The following GLDC variants were observed in gnomAD, a reference collection of about 807,000 sequenced individuals.
The protein encoded by GLDC is glycine decarboxylase.
A neutral mutation model predicts 121.3 loss-of-function variants in GLDC; 104 were observed. That is an observed-to-expected ratio of 0.86 (90% CI 0.73 to 1.01). The LOEUF is 1.01. GLDC is among the 50% of genes least tolerant of loss of function. GLDC has a pLI of 0.00. For synonymous variants in GLDC, 546 were observed against 480.6 expected, an observed-to-expected ratio of 1.14 and a Z score of -1.78; for missense variants, 1,429 against 1,306.6, an observed-to-expected ratio of 1.09 and a Z score of -1.44.
At chr9:6,590,862 G>C (rs951862308) in intron 11 of GLDC, among the ~76,000 whole-genome samples, 1 of 152,186 alleles carries the variant, frequency 6.6e-6, no homozygotes, top group Non-Finnish European at 1.5e-5. Context: ...AGAGAACACT[G>C]TGATGCTTCT....
intron 2 of GLDC, among the ~76,000 whole-genome samples, chr9:6,620,551 G>C (rs1819071471): frequency 6.7e-6 from 1 of 149,992 alleles, no homozygotes; most frequent in East Asian, 1.9e-4. Flanking sequence ...TCACTGTTTT[G>C]ACTGTTCCTT....
chr9:6,568,410 TG>T (rs999361850), intron 15 of GLDC, among the ~76,000 whole-genome samples: 1 of 152,200 alleles, frequency 6.6e-6, no homozygotes, highest in Non-Finnish European at 1.5e-5. Context: ...CTATTATATA[TG>T]GAGGACAGGC....
In GLDC at chr9:6,627,366, A is replaced by G. The variant is rs954416421; in HGVS notation, c.335-7047T>C. On this transcript the variant is annotated intron_variant, in intron 2 of 24. Coordinates refer to ENST00000321612, the MANE Select transcript of GLDC (RefSeq NM_000170.3). ...AATATTAATTATCTGTAAGACCCAG[A>G]AGCATAAAAACTGTCAAACATGAGA... 5.9e-5 allele frequency among the ~76,000 whole-genome samples: 9 copies of G among 152,194 alleles called. No homozygotes were observed. In the East Asian group the frequency reaches 1.7e-3, roughly 29 times the overall value.
intron 15 of GLDC, among the ~76,000 whole-genome samples, chr9:6,578,111 C>G (rs970022929): frequency 1.3e-5 from 2 of 151,778 alleles, no homozygotes; most frequent in Non-Finnish European, 2.9e-5. Flanking sequence ...GACTAAGTCT[C>G]ACTATCTGGT....
intron 21 of GLDC, chr9:6,540,361 T>C: frequency 1.8e-6 from 1 of 542,504 alleles, no homozygotes; most frequent in Non-Finnish European, 3.3e-6. Flanking sequence ...TGCCGATGTG[T>C]CTTATCTTCA....
intron 2 of GLDC, among the ~76,000 whole-genome samples, chr9:6,638,326 G>A (rs1261449656): frequency 2.6e-5 from 4 of 151,456 alleles, no homozygotes; most frequent in Non-Finnish European, 4.4e-5. Flanking sequence ...CTTCTGCCTC[G>A]GCCTCAGCGT....
rs142919574 is a variant in GLDC, at chr9:6,553,115, G to A, written c.2457+253C>T. ...CTGTGTCTGGAAAAATATATCTGAT[G>A]TTTCAGTTTCTCTGATGTTAAACCC... On this transcript the variant is annotated intron_variant, in intron 20 of 24. Coordinates refer to ENST00000321612, the MANE Select transcript of GLDC (RefSeq NM_000170.3). Among the ~76,000 whole-genome samples, 409 of 152,190 alleles carry A rather than the reference G, an allele frequency of 2.7e-3. 1 individual carries two copies. Among genetic ancestry groups the A allele is most frequent in the African/African-American group, 9.1e-3 (378 of 41,514 alleles).
intron 8 of GLDC, among the ~76,000 whole-genome samples, chr9:6,599,051 G>A (rs949552662): frequency 6.6e-6 from 1 of 152,058 alleles, no homozygotes; most frequent in East Asian, 1.9e-4. Flanking sequence ...AGGCATGGTC[G>A]TGGGTGCCTG....
chr9:6,588,428 C>T lies in GLDC; in HGVS notation c.1680G>A (p.Met560Ile). 1.2e-6 allele frequency: 2 copies of T among 1,612,448 alleles called. No individual in the cohort carries two copies. The highest frequency in any genetic ancestry group is 1.1e-5 in the South Asian group (1 of 91,044). The change falls in exon 14 of 25, where the codon ATG (methionine) becomes ATA (isoleucine). Residue 560 changes from methionine (M) to isoleucine (I), a missense_variant. Transcript: ENST00000321612. ...CGAGTTCAGACGAACTGTTCAGTTT[C>T]ATGGTGCAGGATCCCTTTAAGAAGA... Reference protein sequence around the residue: ...HSMIPLGSCTMKLNSSSELAP... With the variant: ...HSMIPLGSCTIKLNSSSELAP...
chr9:6,580,204 C>T (rs568296321), intron 15 of GLDC, among the ~76,000 whole-genome samples: 41 of 152,322 alleles, frequency 2.7e-4, no homozygotes, highest in African/African-American at 9.6e-4. Context: ...AACTCTTACC[C>T]TCACCCTAGG....
intron 9 of GLDC, among the ~76,000 whole-genome samples, chr9:6,593,268 G>T (rs12236494): frequency 1.4e-5 from 2 of 143,916 alleles, no homozygotes; most frequent in African/African-American, 5.2e-5. Flanking sequence ...GGTAGTATCA[G>T]ATATATATAT....
At chr9:6,578,209 C>T (rs1321836019) in intron 15 of GLDC, among the ~76,000 whole-genome samples, 1 of 151,954 alleles carries the variant, frequency 6.6e-6, no homozygotes, top group Non-Finnish European at 1.5e-5. Context: ...CAGCCTAGAC[C>T]TCTGGGTGTA....
chr9:6,555,208 C>A (rs1443601537), intron 18 of GLDC, among the ~76,000 whole-genome samples: 2 of 152,164 alleles, frequency 1.3e-5, no homozygotes, highest in African/African-American at 4.8e-5. Flanking sequence ...TACCGAACGG[C>A]CCCGTTGGGC....
chr9:6,552,984 T>A (rs1442838655), intron 20 of GLDC, among the ~76,000 whole-genome samples: 2 of 150,388 alleles, frequency 1.3e-5, no homozygotes, highest in Admixed American at 6.6e-5. Flanking sequence ...CTCAGCAAAG[T>A]GGAATAATTA....
intron 2 of GLDC, 150 bp from the exon 3 acceptor site, chr9:6,620,469 T>C: frequency 7.4e-6 from 5 of 672,878 alleles, no homozygotes; most frequent in South Asian, 7.0e-5. Flanking sequence ...CACTAAGTAC[T>C]GTATGCGACA....
At chr9:6,580,954 A>C (rs1049980468) in intron 15 of GLDC, among the ~76,000 whole-genome samples, 1 of 152,196 alleles carries the variant, frequency 6.6e-6, no homozygotes, top group Non-Finnish European at 1.5e-5. Flanking sequence ...TCTTTGTTTC[A>C]TCCTGAAGCT....
intron 16 of GLDC, among the ~76,000 whole-genome samples, chr9:6,563,883 C>G (rs761333269): frequency 1.3e-5 from 2 of 151,972 alleles, no homozygotes; most frequent in Non-Finnish European, 2.9e-5. Flanking sequence ...GCCTGTAATC[C>G]TGGTCTCCCT....
chr9:6,616,999 G>A (rs865804891), intron 3 of GLDC, among the ~76,000 whole-genome samples: 4 of 152,182 alleles, frequency 2.6e-5, no homozygotes, highest in African/African-American at 7.2e-5. Flanking sequence ...TTGGAATAGT[G>A]AAACCCATAA....
At chr9:6,625,411 T>A (rs1351530202) in intron 2 of GLDC, among the ~76,000 whole-genome samples, 1 of 152,144 alleles carries the variant, frequency 6.6e-6, no homozygotes, top group African/African-American at 2.4e-5. Context: ...AATAATATTA[T>A]AGTAGTTGAA....
Sources: allele counts gnomAD v4.1 joint callset (sites outside exome capture counted in the v4.1 genomes callset), GRCh38; gene constraint gnomAD v4.1.1; transcripts MANE v1.5; gene names NCBI Gene and HGNC (gene_info 2026-07-23, HGNC 2026-07-21).